VSIG2: variants seen among roughly 807,000 people sequenced by gnomAD.
VSIG2 encodes the protein V-set and immunoglobulin domain containing 2.
Under a neutral mutation model 29.4 loss-of-function variants are expected in VSIG2, and 30 were observed. That is an observed-to-expected ratio of 1.02 (90% CI 0.76 to 1.38). The LOEUF is 1.38. Among genes scored for constraint, VSIG2 ranks in the 40% most tolerant of loss-of-function variants. The pLI, the probability that VSIG2 is intolerant of heterozygous loss-of-function variation, is 0.00. For missense variants in VSIG2, 421 were observed against 400.8 expected (o/e 1.05, Z -0.43); for synonymous variants, 178 against 174.2 (o/e 1.02, Z -0.17).
At position 124,748,332 on chromosome 11, in the gene VSIG2, G is replaced by A. The variant is rs1167877226; in HGVS notation, c.851+58C>T. 1.1e-5 allele frequency: 17 copies of A among 1,526,906 alleles called. No homozygotes were observed. In the South Asian group the frequency reaches 1.3e-4, roughly 11 times the overall value. The allele number at this position is 1,526,906 out of a possible 1,614,324, so 94.6% of individuals were successfully genotyped here. ...CGGAGTTTGAGGGTTGCAGGCACCC[G>A]CTTTTAACTCAAGCCCTTTCCTCCC... is the stretch of plus-strand genomic sequence containing the variant. On this transcript the variant is annotated intron_variant, in intron 6 of 6. Transcript: ENST00000326621.
In VSIG2 at chr11:124,747,481, C is replaced by T. The variant is rs199561614; in HGVS notation, c.*54G>A. 13 of 1,573,266 alleles carry T rather than the reference C, an allele frequency of 8.3e-6. No individual in the cohort carries two copies. The highest frequency in any genetic ancestry group is 4.1e-5 in the African/African-American group (3 of 72,904). On this transcript the variant is annotated 3_prime_UTR_variant, in exon 7 of 7. Transcript: ENST00000326621. ...AAGAAGAAGGAGACAGTATGGTACC[C>T]ACAGACTTTAATTATTGATATTCCC...
rs757471583 is a variant in VSIG2, at chr11:124,749,870, CAA to C, written c.428-6_428-5del. On this transcript the variant is annotated splice_polypyrimidine_tract_variant and splice_region_variant and intron_variant, in intron 3 of 6. Transcript: ENST00000326621. ...CATAAGGGATTACTGGGGGGAACTG[CAA>C]AAAAAAAAAAAAAAAAAAAAAAACA... 52,671 of 746,600 alleles carry C rather than the reference CAA, an allele frequency of 0.071. 26 individuals carry two copies. Among genetic ancestry groups the C allele is most frequent in the East Asian group, 0.093 (1,892 of 20,448 alleles). The allele number at this position is 746,600 out of a possible 1,614,324, so 46.2% of individuals were successfully genotyped here. A position where few individuals can be genotyped will look rare whatever the true frequency, so the allele number is the denominator to read the frequency against.
chr11:124,751,048 A>G, intron 2 of VSIG2, 127 bp from the exon 3 acceptor site: 1 of 966,460 alleles, frequency 1.0e-6, no homozygotes, highest in African/African-American at 1.6e-5. Flanking sequence ...GATACCCTTA[A>G]GCTGGAACTC....
In VSIG2 at chr11:124,747,681, G is replaced by A. The variant is rs768943170; in HGVS notation, c.852-14C>T. The A allele has an allele frequency of 6.2e-7, 1 of 1,611,968 alleles. No individual in the cohort carries two copies. The highest frequency in any genetic ancestry group is 1.7e-5 in the Admixed American group (1 of 59,538). ...ATGGCATCCTCCCTGATGGGTATAG[G>A]CAAGTTCTGAGTGAACAGTAGAAGC... On this transcript the variant is annotated splice_polypyrimidine_tract_variant and intron_variant, in intron 6 of 6. Coordinates refer to ENST00000326621, the MANE Select transcript of VSIG2 (RefSeq NM_014312.5).
In VSIG2 at chr11:124,752,149, G is replaced by A. The variant is rs753609776; in HGVS notation, c.-12C>T. ...GGGAGCTCGGCCATGGCCGCGTCCGGCCGTCCTGTCCTGCTCCTGCCAGGT... is the reference window on the plus strand; with the variant it reads ...GGGAGCTCGGCCATGGCCGCGTCCGACCGTCCTGTCCTGCTCCTGCCAGGT... On this transcript the variant is annotated 5_prime_UTR_variant, in exon 1 of 7. Coordinates refer to ENST00000326621, the MANE Select transcript of VSIG2 (RefSeq NM_014312.5). 1.3e-6 allele frequency: 2 copies of A among 1,576,754 alleles called. No individual in the cohort carries two copies. The highest frequency in any genetic ancestry group is 1.3e-5 in the African/African-American group (1 of 74,234).
rs199884646 is a variant in VSIG2, at chr11:124,749,884, A to AC, written c.428-19_428-18insG. 2.0e-3 allele frequency: 2,924 copies of AC among 1,457,530 alleles called. 10 individuals are homozygous for AC. The highest frequency in any genetic ancestry group is 0.014 in the East Asian group (554 of 40,486). 90.3% of individuals were successfully genotyped at this position (1,457,530 alleles called of 1,614,324 possible). The stretch of plus-strand genomic sequence containing the variant: ...GGGGGGAACTGCAAAAAAAAAAAAA[A>AC]AAAAAAAAAAACAGAAAGTTCCTCA... On this transcript the variant is annotated intron_variant, in intron 3 of 6. Transcript: ENST00000326621.
chr11:124,751,661 T>G lies in VSIG2; in HGVS notation c.62-81A>C, dbSNP rs1393827703. 50 of 1,418,564 alleles carry G rather than the reference T, an allele frequency of 3.5e-5. 1 individual carries two copies. The East Asian group carries it at 1.0e-3, about 29-fold the overall frequency. The allele number at this position is 1,418,564 out of a possible 1,614,324, so 87.9% of individuals were successfully genotyped here. ...CGGGCCCACCCCCGGGCATCTATAT[T>G]GGAAGCTGGGGGCTCCCTCCCCAGA... On this transcript the variant is annotated intron_variant, in intron 1 of 6. Transcript: ENST00000326621.
rs1176287925 is a variant in VSIG2, at chr11:124,751,584, G to A, written c.62-4C>T. On this transcript the variant is annotated splice_polypyrimidine_tract_variant and splice_region_variant and intron_variant, in intron 1 of 6. Transcript: ENST00000326621. The stretch of plus-strand genomic sequence containing the variant: ...ACCTTCACCTCCACGGCCAGCCCTG[G>A]GGCCGGGGACCAGAGGGAGGTGGGA... The A allele has an allele frequency of 1.3e-6, 2 of 1,583,342 alleles. No individual in the cohort carries two copies. The highest frequency in any genetic ancestry group is 1.7e-6 in the Non-Finnish European group (2 of 1,166,682).
rs1944054048 is a variant in VSIG2 at position 124,749,367 on chromosome 11, C to T, written c.586+341G>A. ...CCATGCTACTCTGCCTCAGTTTCCTCTCTAGGAAGTTTGGAAGTGGTCCAC... is the reference window on the plus strand; with the variant it reads ...CCATGCTACTCTGCCTCAGTTTCCTTTCTAGGAAGTTTGGAAGTGGTCCAC... On this transcript the variant is annotated intron_variant, in intron 4 of 6. Transcript: ENST00000326621. Among the ~76,000 whole-genome samples the T allele has an allele frequency of 3.3e-5, 5 of 152,230 alleles. No individual in the cohort carries two copies. The South Asian group carries it at 1.0e-3, about 32-fold the overall frequency.
At chr11:124,747,972 G>C (rs748712744) in intron 6 of VSIG2, 47 of 374,758 alleles carry the variant, frequency 1.3e-4, no homozygotes, top group Non-Finnish European at 1.8e-4. Flanking sequence ...GTGGATGACA[G>C]AGGCAGTTTC....
chr11:124,747,549 G>A lies in VSIG2; in HGVS notation c.970C>T (p.Pro324Ser), dbSNP rs748074668. 1.2e-6 allele frequency: 2 copies of A among 1,612,668 alleles called. No individual in the cohort carries two copies. The highest frequency in any genetic ancestry group is 1.7e-6 in the Non-Finnish European group (2 of 1,179,534). ...ATCGGGAGAAGTCACACGACCATAG[G>A]GAGCTTGGACTTGGTGGTCGTCACG... ...STVTTTKSKL[P>S]MVV is the part of the protein sequence containing the mutation. The change falls in exon 7 of 7, where the codon CCT (proline) becomes TCT (serine). Residue 324 changes from proline (P) to serine (S), a missense_variant. By Grantham distance (74) the Pro-to-Ser change is moderately conservative (BLOSUM62 -1). Coordinates refer to ENST00000326621, the MANE Select transcript of VSIG2 (RefSeq NM_014312.5).
At chr11:124,751,265 TCAGG>T (rs1944082394) in intron 2 of VSIG2, among the ~76,000 whole-genome samples, 154 bp downstream of exon 2, 1 of 152,100 alleles carries the variant, frequency 6.6e-6, no homozygotes, top group African/African-American at 2.4e-5. Flanking sequence ...AGATACACGG[TCAGG>T]CAGACTGCAG....
At position 124,748,624 on chromosome 11, in the gene VSIG2, C is replaced by T; in HGVS notation, c.706+20G>A. The T allele has an allele frequency of 1.2e-6, 2 of 1,609,320 alleles. No individual in the cohort carries two copies. The highest frequency in any genetic ancestry group is 1.1e-5 in the South Asian group (1 of 90,322). Reference sequence around the variant, plus strand: ...CCCCAACACAAGGCTGCTGGCCTGGCCTCCACCCAGCATCCCTACCGGTCA... The same window carrying T: ...CCCCAACACAAGGCTGCTGGCCTGGTCTCCACCCAGCATCCCTACCGGTCA... On this transcript the variant is annotated intron_variant, in intron 5 of 6. Transcript: ENST00000326621.
chr11:124,752,251 A>G lies in VSIG2; in HGVS notation c.-114T>C, dbSNP rs1411108374. 1.6e-5 allele frequency: 17 copies of G among 1,081,712 alleles called. No homozygotes were observed. In the African/African-American group the frequency reaches 1.8e-4, roughly 11 times the overall value. The allele number at this position is 1,081,712 out of a possible 1,614,324, so 67.0% of individuals were successfully genotyped here. A position where few individuals can be genotyped will look rare whatever the true frequency, so the allele number is the denominator to read the frequency against. On this transcript the variant is annotated 5_prime_UTR_variant, in exon 1 of 7. Coordinates refer to ENST00000326621, the MANE Select transcript of VSIG2 (RefSeq NM_014312.5). ...CAGCCGCCCGGGCTGGGCAGGAGCGAGACTGGTATCTCAGAGCAAACAGGG... is the reference window on the plus strand; with the variant it reads ...CAGCCGCCCGGGCTGGGCAGGAGCGGGACTGGTATCTCAGAGCAAACAGGG...
At chr11:124,750,506 T>C (rs747986882) in intron 3 of VSIG2, among the ~76,000 whole-genome samples, 5 of 151,812 alleles carry the variant, frequency 3.3e-5, no homozygotes, top group Non-Finnish European at 7.4e-5. Flanking sequence ...TATTAGGCTC[T>C]GATGGAGGAG....
chr11:124,751,609 A>C, intron 1 of VSIG2, 29 bp from the exon 2 acceptor site: 4 of 1,551,472 alleles, frequency 2.6e-6, no homozygotes, highest in South Asian at 1.2e-5. Context: ...GGGAGGTGGG[A>C]ACCCAAATTC....
At chr11:124,748,570 G>T (rs746350569) in intron 5 of VSIG2, 36 bp from the exon 6 acceptor site, 13 of 1,608,722 alleles carry the variant, frequency 8.1e-6, no homozygotes, top group Non-Finnish European at 1.1e-5. Context: ...AGAATTGCAG[G>T]CTTTCCTCGG....
intron 6 of VSIG2, 152 bp downstream of exon 6, chr11:124,748,238 T>G: frequency 1.2e-6 from 1 of 866,500 alleles, no homozygotes; most frequent in Non-Finnish European, 1.8e-6. Flanking sequence ...ATACACAGGT[T>G]ACACTGCTGC....
chr11:124,751,949 G>A (rs1421641814), intron 1 of VSIG2, 128 bp downstream of exon 1: 30 of 1,137,246 alleles, frequency 2.6e-5, no homozygotes, highest in African/African-American at 4.8e-5. Context: ...CACCTCAGGC[G>A]CCTTAGGGCC....
Sources: gnomAD v4.1 joint callset for allele counts (sites outside exome capture counted in the v4.1 genomes callset) on GRCh38, gnomAD v4.1.1 for gene constraint, MANE v1.5 for transcripts, NCBI Gene and HGNC (gene_info 2026-07-23, HGNC 2026-07-21) for gene names.